Variants in CPLANE1 observed in about 807,000 individuals in gnomAD.
The protein encoded by CPLANE1 is ciliogenesis and planar polarity effector 1.
In CPLANE1, 263 loss-of-function variants were observed where a neutral mutation model predicts 362.5. The ratio of observed to expected loss-of-function variants is 0.73; its 90% confidence interval spans 0.66 to 0.80. The LOEUF is 0.80. CPLANE1 is among the 30% of genes least tolerant of loss of function. CPLANE1 has a pLI of 0.00. For synonymous variants in CPLANE1, 1,212 were observed against 1,302.6 expected, an observed-to-expected ratio of 0.93 and a Z score of 1.50; for missense variants, 3,461 against 3,793.4, an observed-to-expected ratio of 0.91 and a Z score of 2.30.
chr5:37,134,710 A>C (rs1455114251), intron 46 of CPLANE1, among the ~76,000 whole-genome samples: 2 of 149,648 alleles, frequency 1.3e-5, no homozygotes, highest in Non-Finnish European at 3.0e-5. Flanking sequence ...TTGTTTTTCT[A>C]GTTCCTCTAG....
rs995519892 is a variant in CPLANE1, at chr5:37,230,557, G to A, written c.1121+310C>T. Among the ~76,000 whole-genome samples the A allele has an allele frequency of 5.9e-5, 9 of 152,030 alleles. No individual in the cohort carries two copies. The East Asian group carries it at 1.2e-3, about 20-fold the overall frequency. ...TAATTTTGAGTTATTAATTTTCTAA[G>A]TGCTATTATTTTATAACAATAAATG... On this transcript the variant is annotated intron_variant, in intron 9 of 52. Transcript: ENST00000651892.
At position 37,233,187 on chromosome 5, in the gene CPLANE1, C is replaced by T. The variant is rs547705820; in HGVS notation, c.939-2138G>A. 1.8e-4 allele frequency among the ~76,000 whole-genome samples: 27 copies of T among 152,286 alleles called. 1 individual carries two copies. The highest frequency in any genetic ancestry group is 3.4e-4 in the African/African-American group (14 of 41,580). On this transcript the variant is annotated intron_variant, in intron 8 of 52. Transcript: ENST00000651892. Reference sequence around the variant, plus strand: ...CCACAGGCATCCAAGCCTAGAGCAGCGTCAGAAAGCCTAGATACCAGGGAT... The same window carrying T: ...CCACAGGCATCCAAGCCTAGAGCAGTGTCAGAAAGCCTAGATACCAGGGAT...
chr5:37,248,766 A>G (rs1740709203), intron 1 of CPLANE1, among the ~76,000 whole-genome samples: 1 of 152,270 alleles, frequency 6.6e-6, no homozygotes. Context: ...TCCTAATGAA[A>G]TAACAAATCC....
At chr5:37,192,691 C>T (rs1044364463) in intron 21 of CPLANE1, among the ~76,000 whole-genome samples, 8 of 150,784 alleles carry the variant, frequency 5.3e-5, no homozygotes, top group African/African-American at 2.0e-4. Flanking sequence ...GGTGAAACCC[C>T]GTCTCTACTA....
chr5:37,244,574 C>T lies in CPLANE1; in HGVS notation c.371G>A (p.Gly124Glu). 1 of 1,551,198 alleles carries T rather than the reference C, an allele frequency of 6.4e-7. No homozygotes were observed. Among genetic ancestry groups the T allele is most frequent in the East Asian group, 2.4e-5 (1 of 40,884 alleles). Residue 124 changes from glycine (G) to glutamate (E), a missense_variant, in exon 5 of 53, where the codon GGA becomes GAA. Gly to Glu is a moderately conservative substitution (Grantham distance 98, BLOSUM62 -2). Coordinates refer to ENST00000651892, the MANE Select transcript of CPLANE1 (RefSeq NM_001384732.1). The part of the protein sequence containing the change: ...SSLRLYLYVS[G>E]NGKRIVLITP... ...TATGAGCACAATTCTTTTCCCATTT[C>T]CAGATACATACAAGTACAGTCTCAA...
the CPLANE1 span, chr5:37,085,137 G>T: frequency 1.3e-6 from 1 of 758,264 alleles, no homozygotes; most frequent in Non-Finnish European, 2.4e-6. Flanking sequence ...CAGTGTGTTT[G>T]CTCCTTGTCC....
intron 18 of CPLANE1, among the ~76,000 whole-genome samples, chr5:37,203,937 A>T (rs1392972442): frequency 6.6e-6 from 1 of 152,134 alleles, no homozygotes; most frequent in African/African-American, 2.4e-5. Context: ...TTGAATTTTT[A>T]TTTGCTTGTT....
intron 34 of CPLANE1, 74 bp downstream of exon 34, chr5:37,168,717 A>G (rs1010071501): frequency 1.1e-5 from 13 of 1,205,402 alleles, no homozygotes; most frequent in Non-Finnish European, 1.5e-5. Context: ...CTTTTCAGTG[A>G]CCATACAGTA....
chr5:37,121,727 A>T lies in CPLANE1; in HGVS notation c.9075T>A (p.Asn3025Lys), dbSNP rs573500656. Reference protein sequence around the residue: ...RRISQAYGLMNELLSESVQLP... With the variant: ...RRISQAYGLMKELLSESVQLP... Reference sequence around the variant, plus strand: ...GCTGTACTGACTCAGATAACAGTTCATTCATCAGACCGTACGCTTGTGAGA... The same window carrying T: ...GCTGTACTGACTCAGATAACAGTTCTTTCATCAGACCGTACGCTTGTGAGA... Residue 3025 changes from asparagine to lysine, a missense_variant, in exon 49 of 53, where the codon AAT becomes AAA. Coordinates refer to ENST00000651892, the MANE Select transcript of CPLANE1 (RefSeq NM_001384732.1). 1.2e-6 allele frequency: 2 copies of T among 1,614,050 alleles called. No homozygotes were observed. The highest frequency in any genetic ancestry group is 3.3e-5 in the Admixed American group (2 of 60,020).
intron 19 of CPLANE1, 135 bp from the exon 20 acceptor site, chr5:37,199,001 G>GCAGGAGGACTGCTTGAGCT (rs1788383875): frequency 1.4e-6 from 1 of 725,164 alleles, no homozygotes; most frequent in African/African-American, 1.8e-5. Context: ...GAAGGCTGAA[G>GCAGGAGGACTGCTTGAGCT]CAGGAGGACT....
intron 39 of CPLANE1, 26 bp from the exon 40 acceptor site, chr5:37,157,894 G>C (rs1192373440): frequency 8.5e-6 from 8 of 945,400 alleles, no homozygotes; most frequent in Non-Finnish European, 1.2e-5. Flanking sequence ...TAAAACCAAA[G>C]AGGGTTACAT....
At chr5:37,130,332 T>G (rs1310318284) in intron 46 of CPLANE1, 1 of 157,356 alleles carries the variant, frequency 6.4e-6, no homozygotes, top group Admixed American at 6.4e-5. Context: ...AAATCATCAC[T>G]GAAGAACTTA....
chr5:37,182,799 G>T lies in CPLANE1; in HGVS notation c.5382C>A (p.Pro1794=). The change falls in exon 26 of 53, where the codon CCC becomes CCA. Residue 1794 remains proline, a synonymous_variant. Coordinates refer to ENST00000651892, the MANE Select transcript of CPLANE1 (RefSeq NM_001384732.1). Reference sequence around the variant, plus strand: ...TTTTTGCCTTATATGTAGCAAAATAGGGTTGTTCCAAAAGCCATAATGATG... The same window carrying T: ...TTTTTGCCTTATATGTAGCAAAATATGGTTGTTCCAAAAGCCATAATGATG... ...ILTSLWLLEQ[P]YFATYKAKNA... The T allele has an allele frequency of 6.2e-7, 1 of 1,613,328 alleles. No individual in the cohort carries two copies. The highest frequency in any genetic ancestry group is 8.5e-7 in the Non-Finnish European group (1 of 1,179,764).
At chr5:37,241,874 C>T (rs1800594173) in intron 6 of CPLANE1, among the ~76,000 whole-genome samples, 2 of 152,034 alleles carry the variant, frequency 1.3e-5, no homozygotes, top group Non-Finnish European at 2.9e-5. Context: ...AAGTGATCCT[C>T]CTGCCTCGGC....
At chr5:37,233,468 G>A (rs1798207960) in intron 8 of CPLANE1, among the ~76,000 whole-genome samples, 2 of 152,072 alleles carry the variant, frequency 1.3e-5, no homozygotes, top group Admixed American at 1.3e-4. Flanking sequence ...CTGAGTTTGG[G>A]TTGAGGTGGC....
chr5:37,091,318 T>A, the CPLANE1 span, among the ~76,000 whole-genome samples: 2 of 152,210 alleles, frequency 1.3e-5, no homozygotes, highest in Admixed American at 1.3e-4. Flanking sequence ...TCATTAAACA[T>A]CTTTTAACTT....
At chr5:37,190,425 C>A (rs868772022) in intron 21 of CPLANE1, among the ~76,000 whole-genome samples, 2,283 of 146,750 alleles carry the variant, frequency 0.016, 64 homozygotes, top group African/African-American at 0.055. Context: ...AAAAAAAAAA[C>A]AAAAAAACCA....
chr5:37,142,119 T>C (rs1324281422), intron 44 of CPLANE1, 191 bp downstream of exon 44: 43 of 1,121,700 alleles, frequency 3.8e-5, no homozygotes, highest in Non-Finnish European at 4.3e-5. Context: ...AATTGCAGTA[T>C]GTCTTATGAA....
chr5:37,193,548 G>A (rs891752014), intron 21 of CPLANE1, among the ~76,000 whole-genome samples: 7 of 151,948 alleles, frequency 4.6e-5, no homozygotes, highest in Non-Finnish European at 1.0e-4. Context: ...CCAGCTACTG[G>A]GAAGGCTGAG....
Sources: gnomAD v4.1 joint callset for allele counts (sites outside exome capture counted in the v4.1 genomes callset) on GRCh38, gnomAD v4.1.1 for gene constraint, MANE v1.5 for transcripts, NCBI Gene and HGNC (gene_info 2026-07-23, HGNC 2026-07-21) for gene names.